USP30: variants seen among roughly 807,000 people sequenced by gnomAD.
USP30 encodes ubiquitin carboxyl-terminal hydrolase 30.
A neutral mutation model predicts 68.2 loss-of-function variants in USP30; 41 were observed. The ratio of observed to expected loss-of-function variants is 0.60; its 90% CI spans 0.47 to 0.78. The LOEUF is 0.78. Among genes scored for constraint, USP30 ranks in the 30% least tolerant of loss-of-function variants. The pLI, the probability that USP30 is intolerant of heterozygous loss-of-function variation, is 0.00. For synonymous variants in USP30, 229 were observed against 253.7 expected, an observed-to-expected ratio of 0.90 and a Z score of 0.93; for missense variants, 522 against 649.4, an observed-to-expected ratio of 0.80 and a Z score of 2.13.
intron 3 of USP30, among the ~76,000 whole-genome samples, chr12:109,039,534 G>GAAGCC (rs1459089010): frequency 2.0e-5 from 3 of 152,130 alleles, no homozygotes; most frequent in African/African-American, 7.2e-5. Context: ...AGATGATACA[G>GAAGCC]AAGCCAGCAT....
chr12:109,029,145 A>G (rs2040464376), intron 3 of USP30, among the ~76,000 whole-genome samples: 1 of 152,230 alleles, frequency 6.6e-6, no homozygotes. Context: ...TATATAGATC[A>G]TGGAGAGTTC....
intron 8 of USP30, chr12:109,081,619 G>GCA (rs2041798796): frequency 6.1e-6 from 3 of 490,650 alleles, no homozygotes; most frequent in Non-Finnish European, 1.0e-5. Flanking sequence ...ACGCACGCAT[G>GCA]CGCGCACACA....
At chr12:109,047,953 C>G (rs943026905), upstream of USP30, among the ~76,000 whole-genome samples, 1 of 152,016 alleles carries the variant, frequency 6.6e-6, no homozygotes, top group Non-Finnish European at 1.5e-5. Flanking sequence ...TTCACTGGGT[C>G]AGAATTTTTC....
At chr12:109,056,554 A>C in intron 1 of USP30, 128 bp from the exon 2 acceptor site, 1 of 603,906 alleles carries the variant, frequency 1.7e-6, no homozygotes, top group Non-Finnish European at 2.9e-6. Flanking sequence ...TCCTATGACT[A>C]TATGTTACTT....
chr12:109,027,577 C>G (rs2040453828), intron 3 of USP30: 1 of 152,166 alleles, frequency 6.6e-6, no homozygotes, highest in Non-Finnish European at 1.5e-5. Flanking sequence ...CAGTGCCAGG[C>G]CTATTCTACT....
chr12:109,069,907 G>T (rs1481418672), intron 4 of USP30, among the ~76,000 whole-genome samples: 1 of 152,174 alleles, frequency 6.6e-6, no homozygotes. Flanking sequence ...GACAGATGAA[G>T]AAGCTAGGGT....
At chr12:109,069,799 C>T (rs556258071) in intron 4 of USP30, among the ~76,000 whole-genome samples, 1 of 152,200 alleles carries the variant, frequency 6.6e-6, no homozygotes, top group South Asian at 2.1e-4. Flanking sequence ...GGAGACTGCT[C>T]CAGGTAGGGA....
chr12:109,050,868 G>A (rs540930578), upstream of USP30, among the ~76,000 whole-genome samples: 24 of 152,198 alleles, frequency 1.6e-4, no homozygotes, highest in Non-Finnish European at 3.2e-4. Context: ...TTAGCCGGGC[G>A]TGGTGGTGTG....
rs944540961 is a variant in USP30 at position 109,070,431 on chromosome 12, C to G, written c.481-1181C>G. ...GGATAGGAGGTAGCCGTGCGAAGGTCTGAGCACAGCCCGAAATGGGAATAA... is the reference window on the plus strand; with the variant it reads ...GGATAGGAGGTAGCCGTGCGAAGGTGTGAGCACAGCCCGAAATGGGAATAA... On this transcript the variant is annotated intron_variant, in intron 4 of 12. Coordinates refer to ENST00000257548, the MANE Select transcript of USP30 (RefSeq NM_032663.5). The surrounding 1 kb of genome is among the most constrained non-coding windows in gnomAD (Gnocchi z 4.0). 6.6e-6 allele frequency among the ~76,000 whole-genome samples: 1 copy of G among 152,052 alleles called. No homozygotes were observed. The highest frequency in any genetic ancestry group is 2.1e-4 in the South Asian group (1 of 4,820).
rs1274688955 is a variant in USP30, at chr12:109,086,716, T to A, written c.*785T>A. 6.6e-6 allele frequency: 1 copy of A among 152,274 alleles called. No individual in the cohort carries two copies. Among genetic ancestry groups the A allele is most frequent in the Non-Finnish European group, 1.5e-5 (1 of 68,070 alleles). The allele number at this position is 152,274 out of a possible 1,614,324, so 9.4% of individuals were successfully genotyped here. On this transcript the variant is annotated 3_prime_UTR_variant, in exon 13 of 13. Transcript: ENST00000257548. ...CTGGATCTTTGCAACACCTGATTCC[T>A]CTGCTCTGTGGAAAACTTTTTCTTA...
rs1335667410 is a variant in USP30, at chr12:109,083,026, C to T, written c.1132C>T (p.Leu378=). ...PKLNKNPGPT[L]ELQDGPGAPT... Reference sequence around the variant, plus strand: ...ACTGAACAAGAACCCAGGGCCTACACTGGAGCTGCAGGATGGGCCGGGAGC... The same window carrying T: ...ACTGAACAAGAACCCAGGGCCTACATTGGAGCTGCAGGATGGGCCGGGAGC... The change falls in exon 11 of 13, where the codon CTG becomes TTG. Residue 378 remains leucine, a synonymous_variant. Coordinates refer to ENST00000257548, the MANE Select transcript of USP30 (RefSeq NM_032663.5). 1.2e-6 allele frequency: 2 copies of T among 1,613,346 alleles called. No homozygotes were observed. Among genetic ancestry groups the T allele is most frequent in the Middle Eastern group, 1.7e-4 (1 of 6,058 alleles).
In USP30 at chr12:109,057,198, CT is replaced by C. The variant is rs552208209; in HGVS notation, c.193+418del. Among the ~76,000 whole-genome samples, 124 of 143,602 alleles carry C rather than the reference CT, an allele frequency of 8.6e-4. No homozygotes were observed. The East Asian group carries it at 0.012, about 14-fold the overall frequency. 94.2% of individuals were successfully genotyped at this position (143,602 alleles called of 152,430 possible). On this transcript the variant is annotated intron_variant, in intron 2 of 12. Coordinates refer to ENST00000257548, the MANE Select transcript of USP30 (RefSeq NM_032663.5). ...GCCTTCATTACTAAAAAATTATTTT[CT>C]TTTTTTTTTTAATGCTCCCTTTTGA...
chr12:109,048,555 C>A (rs934954621), upstream of USP30, among the ~76,000 whole-genome samples: 2 of 151,848 alleles, frequency 1.3e-5, no homozygotes, highest in African/African-American at 4.8e-5. Flanking sequence ...GCCTGGCCAA[C>A]ATGGCGAAAC....
At chr12:109,050,730 C>T (rs59129466), upstream of USP30, among the ~76,000 whole-genome samples, 518 of 152,080 alleles carry the variant, frequency 3.4e-3, 3 homozygotes, top group African/African-American at 0.012. Context: ...AATAATGGGC[C>T]GGGCGCGGTG....
intron 4 of USP30, 40 bp from the exon 5 acceptor site, chr12:109,071,572 C>T (rs201783676): frequency 1.3e-6 from 2 of 1,579,920 alleles, no homozygotes; most frequent in Non-Finnish European, 1.7e-6. Flanking sequence ...TTGCTCTTGC[C>T]TCTTCCAACC....
chr12:109,085,577 C>T, intron 12 of USP30, 90 bp from the exon 13 acceptor site: 1 of 1,473,542 alleles, frequency 6.8e-7, no homozygotes, highest in Middle Eastern at 1.8e-4. Flanking sequence ...TTGTATTCAT[C>T]CCCTATTTAA....
chr12:109,039,265 T>C (rs1388351734), intron 3 of USP30, among the ~76,000 whole-genome samples: 1 of 152,160 alleles, frequency 6.6e-6, no homozygotes, highest in Non-Finnish European at 1.5e-5. Context: ...TCAAGTTAAT[T>C]TGCATGTCTT....
chr12:109,085,635 G>T, intron 12 of USP30, 32 bp from the exon 13 acceptor site: 1 of 1,600,420 alleles, frequency 6.2e-7, no homozygotes, highest in South Asian at 1.1e-5. Flanking sequence ...TGTTAAAATT[G>T]TAAACCCCTG....
intron 2 of USP30, among the ~76,000 whole-genome samples, chr12:109,026,202 A>C (rs2040443757): frequency 6.6e-6 from 1 of 152,116 alleles, no homozygotes; most frequent in South Asian, 2.1e-4. Context: ...CAGCCTCCTG[A>C]GTAGCTGGGA....
Sources: gnomAD v4.1 joint callset for allele counts (sites outside exome capture counted in the v4.1 genomes callset) on GRCh38, gnomAD v4.1.1 for gene constraint, Gnocchi (gnomAD v3.1) non-coding constraint, MANE v1.5 for transcripts, NCBI Gene and HGNC (gene_info 2026-07-23, HGNC 2026-07-21) for gene names.